ARB2A: variants seen among roughly 807,000 people sequenced by gnomAD.
The protein encoded by ARB2A is cotranscriptional regulator ARB2A.
the ARB2A span, among the ~76,000 whole-genome samples, chr5:93,663,899 T>G: frequency 6.6e-6 from 1 of 152,180 alleles, no homozygotes; most frequent in Non-Finnish European, 1.5e-5. Flanking sequence ...CAATAGTGAT[T>G]ATCTTTAGAA....
chr5:93,648,871 G>T, the ARB2A span, among the ~76,000 whole-genome samples: 2 of 152,090 alleles, frequency 1.3e-5, no homozygotes, highest in Admixed American at 6.5e-5. Context: ...TAGACTACTA[G>T]AATTTCAGAT....
At chr5:93,971,295 C>T in the ARB2A span, among the ~76,000 whole-genome samples, 3 of 151,946 alleles carry the variant, frequency 2.0e-5, no homozygotes, top group Non-Finnish European at 2.9e-5. Flanking sequence ...TAGCCAGGCA[C>T]GGTGGGTCAC....
At chr5:93,875,643 T>C in the ARB2A span, among the ~76,000 whole-genome samples, 1 of 152,216 alleles carries the variant, frequency 6.6e-6, no homozygotes, top group Admixed American at 6.5e-5. Context: ...ACAATTTGCC[T>C]TCAATGACTA....
At chr5:94,022,943 T>A in the ARB2A span, among the ~76,000 whole-genome samples, 1 of 152,132 alleles carries the variant, frequency 6.6e-6, no homozygotes, top group South Asian at 2.1e-4. Flanking sequence ...GATGATGACG[T>A]TAAGGAGGAT....
chr5:93,935,205 A>G, the ARB2A span, among the ~76,000 whole-genome samples: 1 of 152,274 alleles, frequency 6.6e-6, no homozygotes, highest in Admixed American at 6.5e-5. Flanking sequence ...GTAACCAAAC[A>G]CCACCTGTTC....
At chr5:94,034,113 C>T in the ARB2A span, among the ~76,000 whole-genome samples, 1 of 152,192 alleles carries the variant, frequency 6.6e-6, no homozygotes, top group African/African-American at 2.4e-5. Context: ...CACTTCCCAG[C>T]CTCCAGAATT....
the ARB2A span, among the ~76,000 whole-genome samples, chr5:93,697,343 C>T: frequency 6.6e-6 from 1 of 152,014 alleles, no homozygotes; most frequent in Non-Finnish European, 1.5e-5. Flanking sequence ...CTTGACCCAT[C>T]CCTGTAACAA....
chr5:93,934,795 G>T, the ARB2A span, among the ~76,000 whole-genome samples: 1 of 151,950 alleles, frequency 6.6e-6, no homozygotes, highest in Admixed American at 6.6e-5. Context: ...TGGAATATTT[G>T]ATGATATTGT....
the ARB2A span, among the ~76,000 whole-genome samples, chr5:94,038,009 T>G: frequency 6.6e-6 from 1 of 152,126 alleles, no homozygotes; most frequent in Non-Finnish European, 1.5e-5. Context: ...CTTATAAGAT[T>G]ACCTAATTGT....
At chr5:94,050,296 C>T in the ARB2A span, among the ~76,000 whole-genome samples, 16 of 150,158 alleles carry the variant, frequency 1.1e-4, no homozygotes, top group African/African-American at 3.7e-4. Context: ...GCTCTGTCAC[C>T]CAGGCTGGAG....
chr5:93,624,107 C>T, the ARB2A span, among the ~76,000 whole-genome samples: 1 of 152,082 alleles, frequency 6.6e-6, no homozygotes, highest in Non-Finnish European at 1.5e-5. Context: ...CTTTAGGGGA[C>T]ATTAAGTGGG....
chr5:93,952,332 T>A, the ARB2A span, among the ~76,000 whole-genome samples: 1 of 152,208 alleles, frequency 6.6e-6, no homozygotes, highest in Non-Finnish European at 1.5e-5. Flanking sequence ...CTTTAGCATT[T>A]CTTGTAGAAC....
the ARB2A span, among the ~76,000 whole-genome samples, chr5:93,767,548 C>A: frequency 6.6e-6 from 1 of 152,120 alleles, no homozygotes; most frequent in East Asian, 1.9e-4. Flanking sequence ...GAAAAGAAGT[C>A]ATTATATGAA....
chr5:93,738,081 C>T, the ARB2A span: 2 of 281,722 alleles, frequency 7.1e-6, no homozygotes, highest in African/African-American at 4.5e-5. Context: ...CTGATAAGGG[C>T]TTAATATCCA....
chr5:93,920,383 A>G, the ARB2A span, among the ~76,000 whole-genome samples: 1 of 152,194 alleles, frequency 6.6e-6, no homozygotes, highest in African/African-American at 2.4e-5. Flanking sequence ...TGACAGAATA[A>G]GATAAACATA....
At chr5:93,893,709 T>G in the ARB2A span, among the ~76,000 whole-genome samples, 2 of 152,224 alleles carry the variant, frequency 1.3e-5, no homozygotes, top group Non-Finnish European at 2.9e-5. Flanking sequence ...TCATATCCAT[T>G]GTCTGGTCCT....
chr5:93,797,026 A>C, the ARB2A span, among the ~76,000 whole-genome samples: 6 of 152,278 alleles, frequency 3.9e-5, no homozygotes, highest in Non-Finnish European at 7.4e-5. Flanking sequence ...ACAAAAGAGC[A>C]CTTCTGAGTT....
At chr5:93,744,321 G>C in the ARB2A span, among the ~76,000 whole-genome samples, 97 of 150,996 alleles carry the variant, frequency 6.4e-4, no homozygotes, top group Admixed American at 9.3e-4. Context: ...TGTAATCCCA[G>C]CTACTCAGGA....
chr5:93,887,426 T>A, the ARB2A span, among the ~76,000 whole-genome samples: 1 of 151,788 alleles, frequency 6.6e-6, no homozygotes, highest in African/African-American at 2.4e-5. Context: ...AAACTGAATA[T>A]AACTTTTCTT....
Sources: gnomAD v4.1 joint callset for allele counts (sites outside exome capture counted in the v4.1 genomes callset) on GRCh38, gnomAD v4.1.1 for gene constraint, MANE v1.5 for transcripts, NCBI Gene and HGNC (gene_info 2026-07-23, HGNC 2026-07-21) for gene names.